The following STX3 variants were observed in gnomAD, a reference collection of about 807,000 sequenced individuals.
STX3 encodes syntaxin-3.
Under a neutral mutation model 40.2 loss-of-function variants are expected in STX3, and 19 were observed. The observed-to-expected ratio is 0.47, with a 90% CI of 0.33 to 0.69. The LOEUF (loss-of-function observed/expected upper bound fraction) is 0.69, where lower values mean the gene tolerates loss of function less well. Among genes scored for constraint, STX3 ranks in the 30% least tolerant of loss-of-function variants. The pLI is 0.02. For missense variants in STX3, 364 were observed against 366.7 expected, an observed-to-expected ratio of 0.99 and a Z score of 0.06; for synonymous variants, 122 against 132.2, an observed-to-expected ratio of 0.92 and a Z score of 0.53.
At chr11:59,799,678 G>A in intron 10 of STX3, 1 of 985,422 alleles carries the variant, frequency 1.0e-6, no homozygotes, top group Non-Finnish European at 1.2e-6. Flanking sequence ...GTTTCAGTGT[G>A]TCTCTTCTTA....
At chr11:59,795,350 G>A in intron 8 of STX3, 22 bp from the exon 9 acceptor site, 1 of 1,596,582 alleles carries the variant, frequency 6.3e-7, no homozygotes, top group South Asian at 1.1e-5. Context: ...TACTTGGTGT[G>A]ATCAGAGTCT....
intron 5 of STX3, among the ~76,000 whole-genome samples, chr11:59,791,536 G>C (rs1224945969): frequency 6.6e-6 from 1 of 152,132 alleles, no homozygotes; most frequent in Non-Finnish European, 1.5e-5. Flanking sequence ...TTTGTATGGT[G>C]GTAGTGGGTT....
At chr11:59,771,095 A>G (rs1863597541) in intron 1 of STX3, among the ~76,000 whole-genome samples, 1 of 152,158 alleles carries the variant, frequency 6.6e-6, no homozygotes, top group South Asian at 2.1e-4. Flanking sequence ...TGCTCCACAG[A>G]GGAAGGTGTT....
At chr11:59,754,673 A>G (rs1862619343), upstream of STX3, 1 of 152,338 alleles carries the variant, frequency 6.6e-6, no homozygotes, top group Non-Finnish European at 1.5e-5. Flanking sequence ...TTCACAGCGA[A>G]CTACGAAGTG....
At chr11:59,790,828 C>G (rs1317992117) in intron 5 of STX3, among the ~76,000 whole-genome samples, 1 of 152,148 alleles carries the variant, frequency 6.6e-6, no homozygotes, top group Non-Finnish European at 1.5e-5. Flanking sequence ...TCCTAGAGCA[C>G]AGCTTAGGAT....
intron 2 of STX3, among the ~76,000 whole-genome samples, chr11:59,785,796 T>G (rs1864723920): frequency 6.6e-6 from 1 of 152,222 alleles, no homozygotes; most frequent in South Asian, 2.1e-4. Context: ...GATTTCTGTT[T>G]GTCAATTGTT....
chr11:59,779,979 A>G (rs574578241), intron 2 of STX3, among the ~76,000 whole-genome samples: 10 of 152,326 alleles, frequency 6.6e-5, no homozygotes, highest in Admixed American at 6.5e-4. Flanking sequence ...CTACCAGGCA[A>G]ACTGGTAGAT....
intron 2 of STX3, among the ~76,000 whole-genome samples, chr11:59,779,502 G>C (rs1864209868): frequency 6.6e-6 from 1 of 152,218 alleles, no homozygotes; most frequent in Non-Finnish European, 1.5e-5. Context: ...TTTTGGGAGA[G>C]CACATTCAGT....
chr11:59,755,352 T>G, upstream of STX3: 1 of 314,876 alleles, frequency 3.2e-6, no homozygotes. Flanking sequence ...GGATCAGCGC[T>G]GCGCCGGCGC....
chr11:59,801,025 G>T lies in STX3; in HGVS notation c.*201G>T. 6 of 1,500,162 alleles carry T rather than the reference G, an allele frequency of 4.0e-6. No homozygotes were observed. The highest frequency in any genetic ancestry group is 5.3e-6 in the Non-Finnish European group (6 of 1,127,562). The allele number at this position is 1,500,162 out of a possible 1,614,324, so 92.9% of individuals were successfully genotyped here. On this transcript the variant is annotated 3_prime_UTR_variant, in exon 11 of 11. Coordinates refer to ENST00000337979, the MANE Select transcript of STX3 (RefSeq NM_004177.5). The stretch of plus-strand genomic sequence containing the variant: ...TGGGGGAATGTGATCTACCTGATGC[G>T]ACCCTGAGTTCTCCCCAGAGCCTCC...
chr11:59,766,891 G>T (rs141392876), intron 1 of STX3, among the ~76,000 whole-genome samples: 1 of 152,202 alleles, frequency 6.6e-6, no homozygotes, highest in Non-Finnish European at 1.5e-5. Context: ...GATGGGATTC[G>T]TTGACATGGT....
In STX3 at chr11:59,800,352, A is replaced by G. The variant is rs144781861; in HGVS notation, c.*31-503A>G. 44 of 985,382 alleles carry G rather than the reference A, an allele frequency of 4.5e-5. No individual in the cohort carries two copies. In the African/African-American group the frequency reaches 6.6e-4, roughly 15 times the overall value. The allele number at this position is 985,382 out of a possible 1,614,324, so 61.0% of individuals were successfully genotyped here. On this transcript the variant is annotated intron_variant, in intron 10 of 10. Transcript: ENST00000337979. ...ATCCTCATTTTACAGACGGGGAAAG[A>G]GCAATGAAGTTAAGGAACTTGCCCA...
chr11:59,758,865 G>C (rs989458730), intron 1 of STX3, among the ~76,000 whole-genome samples: 1 of 152,218 alleles, frequency 6.6e-6, no homozygotes, highest in Non-Finnish European at 1.5e-5. Context: ...GCCAGTCCTT[G>C]TACTAGATGC....
chr11:59,786,225 T>G (rs1864760487), intron 2 of STX3, among the ~76,000 whole-genome samples: 1 of 151,720 alleles, frequency 6.6e-6, no homozygotes, highest in African/African-American at 2.4e-5. Context: ...CTTGTTTTCT[T>G]TATCTGTTTC....
chr11:59,797,236 TG>T (rs1186829795), intron 9 of STX3, 46 bp from the exon 10 acceptor site: 1 of 1,479,010 alleles, frequency 6.8e-7, no homozygotes, highest in Admixed American at 1.7e-5. Flanking sequence ...GTTATTTTTT[TG>T]GTTGTTTGTA....
chr11:59,778,526 G>C (rs1023711947), intron 2 of STX3, among the ~76,000 whole-genome samples: 6 of 152,172 alleles, frequency 3.9e-5, no homozygotes, highest in African/African-American at 1.4e-4. Flanking sequence ...AACAAAGTCA[G>C]ATTTCTGTTA....
intron 2 of STX3, among the ~76,000 whole-genome samples, chr11:59,773,968 T>TCACATA (rs201568421): frequency 1.1e-4 from 11 of 104,560 alleles, no homozygotes; most frequent in Non-Finnish European, 1.6e-4. Context: ...AGACTTTGTC[T>TCACATA]CACACACACA....
intron 7 of STX3, 32 bp from the exon 8 acceptor site, chr11:59,793,348 G>T (rs1865319062): frequency 1.2e-6 from 2 of 1,605,832 alleles, no homozygotes; most frequent in Non-Finnish European, 8.5e-7. Flanking sequence ...TCTTGCAGGG[G>T]TAGCTAACAG....
intron 1 of STX3, among the ~76,000 whole-genome samples, chr11:59,767,437 CAT>C (rs1464322490): frequency 3.3e-5 from 5 of 152,172 alleles, no homozygotes; most frequent in African/African-American, 1.2e-4. Flanking sequence ...TAAGCTCAGT[CAT>C]GTGGGCTGAA....
Sources: gnomAD v4.1 joint callset for allele counts (sites outside exome capture counted in the v4.1 genomes callset) on GRCh38, gnomAD v4.1.1 for gene constraint, MANE v1.5 for transcripts, NCBI Gene and HGNC (gene_info 2026-07-23, HGNC 2026-07-21) for gene names.